GAS7: variants seen among roughly 807,000 people sequenced by gnomAD.
GAS7 encodes growth arrest-specific protein 7.
A neutral mutation model predicts 71.1 loss-of-function variants in GAS7; 28 were observed. That is an observed-to-expected ratio of 0.39 (90% CI 0.29 to 0.54). The LOEUF (loss-of-function observed/expected upper bound fraction) is 0.54. Ranked by LOEUF, GAS7 falls within the 20% of genes least tolerant of loss-of-function variation. The probability of loss-of-function intolerance (pLI) is 0.62; values close to 1 mark genes in which losing one functional copy is unlikely to be tolerated. For synonymous variants in GAS7, 258 were observed against 245.8 expected (o/e 1.05, Z -0.46); for missense variants, 436 against 627.8 (o/e 0.69, Z 3.27).
intron 1 of GAS7, among the ~76,000 whole-genome samples, chr17:10,075,818 G>C (rs62065848): frequency 1.3e-5 from 2 of 150,806 alleles, no homozygotes; most frequent in African/African-American, 4.9e-5. Flanking sequence ...AAAAAAAAAG[G>C]CTGGGAGCAG....
intron 1 of GAS7, among the ~76,000 whole-genome samples, chr17:10,043,679 C>T (rs953829963): frequency 2.6e-5 from 4 of 152,182 alleles, no homozygotes; most frequent in African/African-American, 9.7e-5. Context: ...CCTTGGGAGG[C>T]TGAAGTGGGA....
rs1006816945 is a variant in GAS7 at position 10,104,600 on chromosome 17, G to A, written c.184-84703C>T. 4.6e-5 allele frequency among the ~76,000 whole-genome samples: 7 copies of A among 152,084 alleles called. No homozygotes were observed. In the South Asian group the frequency reaches 1.0e-3, roughly 22 times the overall value. On this transcript the variant is annotated intron_variant, in intron 1 of 13. Transcript: ENST00000432992. ...TCAGGAGGAATCTAACGAATCTAAT[G>A]ACTCATTTTCTTCACTTCCAAAAAC...
At position 9,959,189 on chromosome 17, in the gene GAS7, G is replaced by A. The variant is rs199693025; in HGVS notation, c.525+13C>T. On this transcript the variant is annotated intron_variant, in intron 5 of 13. Coordinates refer to ENST00000432992, the MANE Select transcript of GAS7 (RefSeq NM_201433.2). This position sits in a 1 kb window ranked among gnomAD's most constrained non-coding sequence, Gnocchi z 5.0. Reference sequence around the variant, plus strand: ...GCAGCCCACCCTGAGGGCGCCCCTCGGGAGCCACTTACTGTGATGGTGTTT... The same window carrying A: ...GCAGCCCACCCTGAGGGCGCCCCTCAGGAGCCACTTACTGTGATGGTGTTT... 1.2e-5 allele frequency: 19 copies of A among 1,613,000 alleles called. No individual in the cohort carries two copies. The highest frequency in any genetic ancestry group is 1.5e-5 in the Non-Finnish European group (18 of 1,179,470).
chr17:9,919,529 C>T lies in GAS7; in HGVS notation c.1218+97G>A. The T allele has an allele frequency of 1.2e-6, 1 of 864,412 alleles. No homozygotes were observed. The highest frequency in any genetic ancestry group is 2.0e-6 in the Non-Finnish European group (1 of 497,712). 53.5% of individuals were successfully genotyped at this position (864,412 alleles called of 1,614,324 possible). On this transcript the variant is annotated intron_variant, in intron 12 of 13. Coordinates refer to ENST00000432992, the MANE Select transcript of GAS7 (RefSeq NM_201433.2). The surrounding 1 kb of genome is among the most constrained non-coding windows in gnomAD (Gnocchi z 5.0). ...TAGATTTGATGACCATCTCCAGGGT[C>T]ACTCCACCCCATCATCCCCGCGCCC...
chr17:9,940,630 G>A (rs768494767), intron 7 of GAS7, among the ~76,000 whole-genome samples: 12 of 152,140 alleles, frequency 7.9e-5, no homozygotes, highest in African/African-American at 1.2e-4. Flanking sequence ...AGGTGGCCTC[G>A]GACCCTCAGC....
chr17:9,971,293 G>A (rs2069950486), intron 3 of GAS7, among the ~76,000 whole-genome samples: 1 of 152,144 alleles, frequency 6.6e-6, no homozygotes, highest in African/African-American at 2.4e-5. Flanking sequence ...AGGGGGCAGT[G>A]GCTCATGCCT....
chr17:10,067,116 T>C (rs2073289505), intron 1 of GAS7, among the ~76,000 whole-genome samples: 1 of 151,434 alleles, frequency 6.6e-6, no homozygotes, highest in Non-Finnish European at 1.5e-5. Context: ...TGCCATCCTT[T>C]ACAAAAGGCT....
chr17:9,960,587 C>T (rs1204394925), intron 4 of GAS7, among the ~76,000 whole-genome samples: 1 of 152,210 alleles, frequency 6.6e-6, no homozygotes, highest in Non-Finnish European at 1.5e-5. Context: ...GAAGGAACCA[C>T]CGGCTTGGAG....
intron 8 of GAS7, among the ~76,000 whole-genome samples, chr17:9,939,379 C>T (rs974698140): frequency 1.3e-5 from 2 of 152,072 alleles, no homozygotes; most frequent in African/African-American, 4.8e-5. Context: ...ACAGCATTAG[C>T]GGGAAGGGAG....
intron 1 of GAS7, 161 bp from the exon 2 acceptor site, chr17:10,020,058 C>T (rs931545693): frequency 1.5e-5 from 10 of 647,418 alleles, no homozygotes; most frequent in African/African-American, 7.2e-5. Flanking sequence ...ACGTGACCTC[C>T]GGGGTTGCGT....
At chr17:10,042,966 C>A (rs1463617353) in intron 1 of GAS7, among the ~76,000 whole-genome samples, 1 of 152,122 alleles carries the variant, frequency 6.6e-6, no homozygotes, top group African/African-American at 2.4e-5. Context: ...ACCATGGATC[C>A]AAGTTCAAAG....
intron 2 of GAS7, among the ~76,000 whole-genome samples, chr17:10,003,062 G>A (rs918289496): frequency 3.3e-5 from 5 of 152,178 alleles, no homozygotes; most frequent in Admixed American, 6.6e-5. Context: ...AGGCACTGGC[G>A]AATTAGAACT....
chr17:9,951,042 G>A (rs943066597), intron 5 of GAS7, among the ~76,000 whole-genome samples: 6 of 152,258 alleles, frequency 3.9e-5, no homozygotes, highest in East Asian at 1.9e-4. Flanking sequence ...CCTTGGTTTC[G>A]GGCCGAGTCC....
At position 10,029,256 on chromosome 17, in the gene GAS7, G is replaced by A. The variant is rs144040124; in HGVS notation, c.184-9359C>T. ...TACCACGACCTTCATTGTACTTCAA[G>A]GTAGCCAAGCTGTCTTTCACAAGGG... On this transcript the variant is annotated intron_variant, in intron 1 of 13. Coordinates refer to ENST00000432992, the MANE Select transcript of GAS7 (RefSeq NM_201433.2). Among the ~76,000 whole-genome samples the A allele has an allele frequency of 3.9e-3, 591 of 152,300 alleles. 1 individual carries two copies. The highest frequency in any genetic ancestry group is 5.8e-3 in the Non-Finnish European group (393 of 68,032).
rs369447030 is a variant in GAS7 at position 9,930,109 on chromosome 17, G to A, written c.886-3340C>T. ...AAATCGATTTAATGGGCCAGGACCA[G>A]CTTTTTGGTGAGAACAGACCAGACT... On this transcript the variant is annotated intron_variant, in intron 9 of 13. Transcript: ENST00000432992. Among the ~76,000 whole-genome samples the A allele has an allele frequency of 2.0e-5, 3 of 152,356 alleles. 1 individual carries two copies. The highest frequency in any genetic ancestry group is 7.2e-5 in the African/African-American group (3 of 41,590).
At chr17:9,947,391 AAGT>A (rs1475042315) in intron 5 of GAS7, among the ~76,000 whole-genome samples, 2 of 152,204 alleles carry the variant, frequency 1.3e-5, no homozygotes, top group Admixed American at 1.3e-4. Context: ...TGGTTAAACA[AAGT>A]ATGAGATAGA....
At position 9,996,583 on chromosome 17, in the gene GAS7, CTA is replaced by C. The variant is rs746293713; in HGVS notation, c.305-14701_305-14700del. ...GTATAATTTAAAAAAAAAAAAAAGA[CTA>C]TATATATATGTGTGTGTGTGTGTGT... On this transcript the variant is annotated intron_variant, in intron 2 of 13. Coordinates refer to ENST00000432992, the MANE Select transcript of GAS7 (RefSeq NM_201433.2). 2.3e-3 allele frequency among the ~76,000 whole-genome samples: 289 copies of C among 128,094 alleles called. 1 individual carries two copies. Among genetic ancestry groups the C allele is most frequent in the African/African-American group, 3.7e-3 (110 of 29,524 alleles). 84.0% of individuals were successfully genotyped at this position (128,094 alleles called of 152,430 possible).
rs774386040 is a variant in GAS7, at chr17:9,943,206, T to C, written c.646A>G (p.Thr216Ala). The change falls in exon 7 of 14, where the codon ACC becomes GCC. Residue 216 changes from threonine to alanine, a missense_variant. Physicochemically the swap from Thr to Ala is moderately conservative, Grantham distance 58. Coordinates refer to ENST00000432992, the MANE Select transcript of GAS7 (RefSeq NM_201433.2). ...ADKKDPQGNG[T>A]VAGFELLLQK... The stretch of plus-strand genomic sequence containing the variant: ...AGCAGTAGTTCAAACCCAGCCACGG[T>C]GCCGTTGCCTTGGGGGTCCTTCTTA... The C allele has an allele frequency of 9.3e-6, 15 of 1,612,122 alleles. No homozygotes were observed. The Admixed American group carries it at 2.0e-4, about 21-fold the overall frequency.
chr17:10,032,813 C>G (rs1332122161), intron 1 of GAS7, among the ~76,000 whole-genome samples: 1 of 152,132 alleles, frequency 6.6e-6, no homozygotes, highest in South Asian at 2.1e-4. Context: ...GTCTAGATAC[C>G]CTTTCATTTA....
Sources: gnomAD v4.1 joint callset for allele counts (sites outside exome capture counted in the v4.1 genomes callset) on GRCh38, gnomAD v4.1.1 for gene constraint, Gnocchi (gnomAD v3.1) non-coding constraint, MANE v1.5 for transcripts, NCBI Gene and HGNC (gene_info 2026-07-23, HGNC 2026-07-21) for gene names.